The following ACVR1C variants were observed in gnomAD, a reference collection of about 807,000 sequenced individuals.
ACVR1C encodes the protein activin A receptor type 1C.
ACVR1C carries 23 observed loss-of-function variants against 57.9 expected under a neutral mutation model. That is an observed-to-expected ratio of 0.40 (90% CI 0.29 to 0.56). The LOEUF is 0.56. ACVR1C is among the 20% of genes least tolerant of loss of function. The probability of loss-of-function intolerance (pLI) is 0.50; values close to 1 mark genes in which losing one functional copy is unlikely to be tolerated. For synonymous variants in ACVR1C, 214 were observed against 215.3 expected (o/e 0.99, Z 0.05); for missense variants, 480 against 607.9 (o/e 0.79, Z 2.21).
At chr2:157,561,155 A>G (rs1688223561) in intron 2 of ACVR1C, among the ~76,000 whole-genome samples, 1 of 152,214 alleles carries the variant, frequency 6.6e-6, no homozygotes, top group African/African-American at 2.4e-5. Context: ...CCATCCCAAA[A>G]GTCACTGTCA....
chr2:157,556,412 A>T, intron 2 of ACVR1C, 80 bp from the exon 3 acceptor site: 2 of 1,554,012 alleles, frequency 1.3e-6, no homozygotes, highest in South Asian at 2.4e-5. Context: ...CAATCACCAA[A>T]ATTTCACATC....
chr2:157,584,979 C>T (rs182898783), intron 2 of ACVR1C, among the ~76,000 whole-genome samples: 1 of 152,218 alleles, frequency 6.6e-6, no homozygotes, highest in Admixed American at 6.5e-5. Flanking sequence ...AAAGCCAGTT[C>T]CTCCCCCTCT....
At chr2:157,594,557 A>G (rs1400504708) in intron 1 of ACVR1C, among the ~76,000 whole-genome samples, 1 of 152,170 alleles carries the variant, frequency 6.6e-6, no homozygotes, top group Non-Finnish European at 1.5e-5. Context: ...TTTATCCTGT[A>G]CTATATGTAT....
Position 157,532,381 on chromosome 2 carries a change from T to G in ACVR1C, c.*1537A>C, listed in dbSNP as rs1364121096. On this transcript the variant is annotated 3_prime_UTR_variant, in exon 9 of 9. Transcript: ENST00000243349. ...TTTCTTTACTGTTATTAGTTTTTTT[T>G]TTTTTTTTTACTGTTATCAATAGCA... The G allele has an allele frequency of 6.6e-6, 1 of 151,854 alleles. No homozygotes were observed. The highest frequency in any genetic ancestry group is 1.5e-5 in the Non-Finnish European group (1 of 67,928). The allele number at this position is 151,854 out of a possible 1,614,324, so 9.4% of individuals were successfully genotyped here.
intron 2 of ACVR1C, among the ~76,000 whole-genome samples, chr2:157,561,990 A>T (rs1449182425): frequency 6.6e-6 from 1 of 152,186 alleles, no homozygotes. Context: ...TTCCCAAGCA[A>T]CTTCACAAGT....
At chr2:157,555,077 T>C (rs1010163643) in intron 3 of ACVR1C, among the ~76,000 whole-genome samples, 1 of 149,270 alleles carries the variant, frequency 6.7e-6, no homozygotes, top group African/African-American at 2.5e-5. Context: ...ATTTAGGCTA[T>C]AATACAGCCT....
At chr2:157,564,064 T>G (rs559894096) in intron 2 of ACVR1C, among the ~76,000 whole-genome samples, 1 of 152,306 alleles carries the variant, frequency 6.6e-6, no homozygotes, top group East Asian at 1.9e-4. Flanking sequence ...GGGCAAAGAT[T>G]TCGTGATGAA....
At chr2:157,574,188 T>A (rs1296014930) in intron 2 of ACVR1C, among the ~76,000 whole-genome samples, 1 of 152,230 alleles carries the variant, frequency 6.6e-6, no homozygotes, top group Non-Finnish European at 1.5e-5. Flanking sequence ...GGGTAACTTA[T>A]AAAGAACAGA....
intron 4 of ACVR1C, 44 bp from the exon 5 acceptor site, chr2:157,544,656 A>C (rs1687706136): frequency 6.7e-7 from 1 of 1,497,512 alleles, no homozygotes; most frequent in African/African-American, 1.4e-5. Flanking sequence ...ACATATTGAG[A>C]AAGAAGCCAA....
chr2:157,561,898 A>G (rs1688235990), intron 2 of ACVR1C, among the ~76,000 whole-genome samples: 1 of 152,202 alleles, frequency 6.6e-6, no homozygotes, highest in Non-Finnish European at 1.5e-5. Flanking sequence ...CTCCAGAGGA[A>G]ATGCCAGAAA....
chr2:157,549,544 C>A (rs1304637267), intron 4 of ACVR1C, among the ~76,000 whole-genome samples: 1 of 152,150 alleles, frequency 6.6e-6, no homozygotes, highest in African/African-American at 2.4e-5. Context: ...AACCAGTCAG[C>A]AAACATTTTA....
intron 2 of ACVR1C, among the ~76,000 whole-genome samples, chr2:157,557,528 C>A (rs529697675): frequency 1.3e-5 from 2 of 152,130 alleles, no homozygotes; most frequent in Admixed American, 6.5e-5. Flanking sequence ...TATTGATTAC[C>A]CAATTCCCTC....
intron 1 of ACVR1C, among the ~76,000 whole-genome samples, chr2:157,599,344 A>G (rs1682227040): frequency 6.9e-6 from 1 of 144,670 alleles, no homozygotes; most frequent in African/African-American, 2.6e-5. Flanking sequence ...AAAAAAAAAA[A>G]AAAAAAAAGG....
chr2:157,561,105 AC>A (rs1040224392), intron 2 of ACVR1C, among the ~76,000 whole-genome samples: 3 of 152,214 alleles, frequency 2.0e-5, no homozygotes, highest in Non-Finnish European at 2.9e-5. Flanking sequence ...CTTCATCCAA[AC>A]AAAGTCCATT....
Position 157,595,114 on chromosome 2 carries a change from T to C in ACVR1C, c.74-7697A>G, listed in dbSNP as rs181893762. On this transcript the variant is annotated intron_variant, in intron 1 of 8. Transcript: ENST00000243349. ...AAGCTCCTCCAGTGTGGGACAATTA[T>C]TAATCAACCATAAAGGGATACAACA... Among the ~76,000 whole-genome samples the C allele has an allele frequency of 2.4e-3, 362 of 152,394 alleles. 3 individuals carry two copies. The highest frequency in any genetic ancestry group is 7.5e-3 in the African/African-American group (314 of 41,606).
intron 1 of ACVR1C, among the ~76,000 whole-genome samples, chr2:157,620,166 AAG>A (rs1682737144): frequency 6.6e-6 from 1 of 152,082 alleles, no homozygotes; most frequent in African/African-American, 2.4e-5. Context: ...GATTTTCAAA[AAG>A]AGTTTCATTC....
intron 8 of ACVR1C, among the ~76,000 whole-genome samples, chr2:157,536,311 G>A (rs1687486255): frequency 6.6e-6 from 1 of 152,162 alleles, no homozygotes; most frequent in Admixed American, 6.5e-5. Context: ...GAATTAGATA[G>A]TCCAAATATT....
At chr2:157,566,789 C>T (rs1046649773) in intron 2 of ACVR1C, among the ~76,000 whole-genome samples, 60 of 152,022 alleles carry the variant, frequency 3.9e-4, no homozygotes, top group Non-Finnish European at 7.5e-4. Flanking sequence ...GGGGGAGGGG[C>T]GCCCGCCATT....
chr2:157,585,604 C>G (rs1688900628), intron 2 of ACVR1C, among the ~76,000 whole-genome samples: 1 of 152,158 alleles, frequency 6.6e-6, no homozygotes, highest in Non-Finnish European at 1.5e-5. Context: ...TTACAAGTCA[C>G]TGCCACAGCT....
Sources: allele counts gnomAD v4.1 joint callset (sites outside exome capture counted in the v4.1 genomes callset), GRCh38; gene constraint gnomAD v4.1.1; transcripts MANE v1.5; gene names NCBI Gene and HGNC (gene_info 2026-07-23, HGNC 2026-07-21).